FAM184B: variants seen among roughly 807,000 people sequenced by gnomAD.
FAM184B encodes protein FAM184B.
FAM184B carries 111 observed loss-of-function variants against 135.9 expected under a neutral mutation model. That is an observed-to-expected ratio of 0.82 (90% CI 0.70 to 0.96). FAM184B has a LOEUF of 0.96. Among genes scored for constraint, FAM184B ranks in the 40% least tolerant of loss-of-function variants. The pLI, the probability that FAM184B is intolerant of heterozygous loss-of-function variation, is 0.00. For missense variants in FAM184B, 1,375 were observed against 1,323.9 expected (o/e 1.04, Z -0.60); for synonymous variants, 552 against 524.8 (o/e 1.05, Z -0.71).
At chr4:17,674,984 A>G (rs1716279848) in intron 7 of FAM184B, among the ~76,000 whole-genome samples, 1 of 151,840 alleles carries the variant, frequency 6.6e-6, no homozygotes, top group Admixed American at 6.6e-5. Context: ...TCAAACTCTT[A>G]TTGTTGTTTT....
intron 1 of FAM184B, among the ~76,000 whole-genome samples, chr4:17,780,113 T>G (rs905664054): frequency 6.6e-6 from 1 of 152,094 alleles, no homozygotes; most frequent in African/African-American, 2.4e-5. Flanking sequence ...AGGCGGCTAG[T>G]GTTCAATTCC....
At chr4:17,681,110 G>A (rs1290568735) in intron 7 of FAM184B, among the ~76,000 whole-genome samples, 1 of 152,186 alleles carries the variant, frequency 6.6e-6, no homozygotes, top group Non-Finnish European at 1.5e-5. Flanking sequence ...AAGTCTCTGG[G>A]GGTATGAAGT....
intron 1 of FAM184B, among the ~76,000 whole-genome samples, chr4:17,750,373 G>A (rs943437884): frequency 6.6e-6 from 1 of 152,182 alleles, no homozygotes; most frequent in Admixed American, 6.5e-5. Context: ...TTACAAACCA[G>A]TATCACAGAT....
intron 5 of FAM184B, among the ~76,000 whole-genome samples, chr4:17,693,821 G>A (rs1423836659): frequency 2.0e-5 from 3 of 152,158 alleles, no homozygotes; most frequent in Non-Finnish European, 2.9e-5. Flanking sequence ...GAGTCAAAAT[G>A]GTGTGGTTAG....
At chr4:17,652,475 C>T (rs752581587) in intron 11 of FAM184B, among the ~76,000 whole-genome samples, 8 of 152,318 alleles carry the variant, frequency 5.3e-5, no homozygotes, top group African/African-American at 1.9e-4. Flanking sequence ...GAGGTAGGGA[C>T]AACTGTAATT....
chr4:17,694,131 A>T (rs1024334930), intron 5 of FAM184B, among the ~76,000 whole-genome samples: 11 of 152,136 alleles, frequency 7.2e-5, no homozygotes, highest in African/African-American at 2.6e-4. Flanking sequence ...CACATTTCCT[A>T]CATTTCCTAA....
chr4:17,634,696 A>C (rs3933453), intron 16 of FAM184B, among the ~76,000 whole-genome samples: 90,439 of 152,046 alleles, frequency 0.59, 27,628 homozygotes, highest in East Asian at 0.89. Context: ...GCTCATTGTG[A>C]AAAATTCCAA....
intron 12 of FAM184B, 27 bp downstream of exon 12, chr4:17,647,610 T>G (rs3733577): frequency 0.62 from 959,382 of 1,538,358 alleles, 302,478 homozygotes; most frequent in East Asian, 0.91. Flanking sequence ...GGAGGGGTAT[T>G]GCTGGTGCAA....
intron 1 of FAM184B, among the ~76,000 whole-genome samples, chr4:17,754,553 G>A (rs13132144): frequency 0.045 from 2,074 of 46,440 alleles, 31 homozygotes; most frequent in Middle Eastern, 0.083. Context: ...CTCTGTCTCA[G>A]AAAAAAAAAA....
chr4:17,713,218 T>C (rs1717326263), intron 1 of FAM184B, among the ~76,000 whole-genome samples: 1 of 152,198 alleles, frequency 6.6e-6, no homozygotes, highest in Admixed American at 6.5e-5. Flanking sequence ...AACTCCATCT[T>C]AAAGAATGTA....
chr4:17,764,579 A>C (rs904144764), intron 1 of FAM184B, among the ~76,000 whole-genome samples: 2 of 152,226 alleles, frequency 1.3e-5, no homozygotes, highest in Non-Finnish European at 2.9e-5. Flanking sequence ...GATGTAAAAA[A>C]CATAAGACAA....
chr4:17,638,102 C>CT (rs1431417338), intron 14 of FAM184B, among the ~76,000 whole-genome samples: 10 of 140,976 alleles, frequency 7.1e-5, no homozygotes, highest in African/African-American at 2.6e-4. Flanking sequence ...TCTTCCAGCA[C>CT]TTTCACCGCC....
At chr4:17,652,754 C>T in intron 11 of FAM184B, 76 bp downstream of exon 11, 1 of 1,487,992 alleles carries the variant, frequency 6.7e-7, no homozygotes, top group Non-Finnish European at 9.0e-7. Flanking sequence ...AGCCCTGGCC[C>T]TCAGCTTGTC....
intron 8 of FAM184B, among the ~76,000 whole-genome samples, chr4:17,661,124 A>T (rs529258864): frequency 6.6e-6 from 1 of 152,192 alleles, no homozygotes. Context: ...GAGTTTAAAG[A>T]TCTCACTGAG....
At chr4:17,687,341 T>C (rs1335168059) in intron 7 of FAM184B, among the ~76,000 whole-genome samples, 2 of 152,192 alleles carry the variant, frequency 1.3e-5, no homozygotes, top group African/African-American at 4.8e-5. Context: ...GTGAGTTTTT[T>C]ATGGCTCTCT....
intron 10 of FAM184B, among the ~76,000 whole-genome samples, chr4:17,654,764 C>A (rs1407600468): frequency 6.6e-6 from 1 of 152,354 alleles, no homozygotes; most frequent in East Asian, 1.9e-4. Flanking sequence ...TTTCCTCAGC[C>A]TGTCTCTGCC....
At chr4:17,733,500 T>C (rs542806929) in intron 1 of FAM184B, among the ~76,000 whole-genome samples, 1 of 152,316 alleles carries the variant, frequency 6.6e-6, no homozygotes, top group Non-Finnish European at 1.5e-5. Context: ...GGGTACAAAA[T>C]CAATGTACAA....
chr4:17,776,582 G>T (rs1414872353), intron 1 of FAM184B, among the ~76,000 whole-genome samples: 1 of 152,040 alleles, frequency 6.6e-6, no homozygotes, highest in African/African-American at 2.4e-5. Context: ...AGTAGAGATG[G>T]GGTTTCTCCA....
At chr4:17,778,324 G>T (rs552450625) in intron 1 of FAM184B, among the ~76,000 whole-genome samples, 2 of 152,218 alleles carry the variant, frequency 1.3e-5, no homozygotes, top group South Asian at 4.1e-4. Context: ...CTGTTCACTA[G>T]AATTTTATAT....
Sources: gnomAD v4.1 joint callset for allele counts (sites outside exome capture counted in the v4.1 genomes callset) on GRCh38, gnomAD v4.1.1 for gene constraint, MANE v1.5 for transcripts, NCBI Gene and HGNC (gene_info 2026-07-23, HGNC 2026-07-21) for gene names.